The following SH3TC2 variants were observed in gnomAD, a reference collection of about 807,000 sequenced individuals.
The protein encoded by SH3TC2 is SH3 domain and tetratricopeptide repeat-containing protein 2.
SH3TC2 carries 87 observed loss-of-function variants against 124.5 expected under a neutral mutation model. The observed-to-expected ratio is 0.70, with a 90% confidence interval of 0.59 to 0.84. The LOEUF (loss-of-function observed/expected upper bound fraction) is 0.84, where lower values mean the gene tolerates loss of function less well. Among genes scored for constraint, SH3TC2 ranks in the 40% least tolerant of loss-of-function variants. The probability of loss-of-function intolerance (pLI) is 0.00; values close to 1 mark genes in which losing one functional copy is unlikely to be tolerated. For synonymous variants in SH3TC2, 634 were observed against 628.5 expected, an observed-to-expected ratio of 1.01 and a Z score of -0.13; for missense variants, 1,536 against 1,566.4, an observed-to-expected ratio of 0.98 and a Z score of 0.33.
intron 1 of SH3TC2, among the ~76,000 whole-genome samples, chr5:149,060,429 G>A (rs537163609): frequency 5.6e-4 from 85 of 152,318 alleles, no homozygotes; most frequent in Non-Finnish European, 9.8e-4. Flanking sequence ...GGGAACAGAT[G>A]CTGCAGGCAG....
Position 149,002,902 on chromosome 5 carries a change from C to A in SH3TC2, c.*1809G>T, listed in dbSNP as rs1753620589. ...TATGCACACTATCTGAGGGCTCTTG[C>A]CCTGCAGTGGTGCTTCCCATACTTT... On this transcript the variant is annotated 3_prime_UTR_variant, in exon 17 of 17. Transcript: ENST00000515425. The A allele has an allele frequency of 6.6e-6, 1 of 152,662 alleles. No homozygotes were observed. Among genetic ancestry groups the A allele is most frequent in the Non-Finnish European group, 1.5e-5 (1 of 68,044 alleles). 9.5% of individuals were successfully genotyped at this position (152,662 alleles called of 1,614,324 possible). A position where few individuals can be genotyped will look rare whatever the true frequency, so the allele number is the denominator to read the frequency against.
rs146516010 is a variant in SH3TC2, at chr5:149,032,897, C to T, written c.1002-1210G>A. ...CCCTGGGCTGATCGCCAGATTCCCCCCAACACCACGGAAGCTTCTAATCTC... is the reference window on the plus strand; with the variant it reads ...CCCTGGGCTGATCGCCAGATTCCCCTCAACACCACGGAAGCTTCTAATCTC... On this transcript the variant is annotated intron_variant, in intron 8 of 16. Transcript: ENST00000515425. 2.9e-3 allele frequency among the ~76,000 whole-genome samples: 439 copies of T among 152,250 alleles called. 1 individual carries two copies. Among genetic ancestry groups the T allele is most frequent in the Admixed American group, 4.7e-3 (72 of 15,290 alleles).
In SH3TC2 at chr5:148,985,020, G is replaced by A. The variant is rs1753311299; in HGVS notation, c.*19691C>T. 6.6e-6 allele frequency among the ~76,000 whole-genome samples: 1 copy of A among 151,988 alleles called. No individual in the cohort carries two copies. The highest frequency in any genetic ancestry group is 1.5e-5 in the Non-Finnish European group (1 of 67,978). Reference sequence around the variant, plus strand: ...CCATTATTTTTAATCTGGTTTTCATGGTTCCACCAACCTGGGCAAGCTAAT... The same window carrying A: ...CCATTATTTTTAATCTGGTTTTCATAGTTCCACCAACCTGGGCAAGCTAAT... On this transcript the variant is annotated 3_prime_UTR_variant, in exon 17 of 17. Coordinates refer to ENST00000515425, the MANE Select transcript of SH3TC2 (RefSeq NM_024577.4).
In SH3TC2 at chr5:148,994,653, T is replaced by A. The variant is rs1321057629; in HGVS notation, c.*10058A>T. Among the ~76,000 whole-genome samples, 1 of 151,542 alleles carries A rather than the reference T, an allele frequency of 6.6e-6. No homozygotes were observed. The highest frequency in any genetic ancestry group is 1.5e-5 in the Non-Finnish European group (1 of 67,922). ...TTGGTTGGTTGGTTGGTTGGTTGGT[T>A]GGTTGGTTAATTGGCTGGTTGGATA... is the stretch of plus-strand genomic sequence containing the variant. On this transcript the variant is annotated 3_prime_UTR_variant, in exon 17 of 17. Coordinates refer to ENST00000515425, the MANE Select transcript of SH3TC2 (RefSeq NM_024577.4).
rs749727240 is a variant in SH3TC2, at chr5:149,038,528, T to C, written c.806-38A>G. The C allele has an allele frequency of 1.1e-5, 18 of 1,604,360 alleles. 1 individual carries two copies. In the South Asian group the frequency reaches 2.0e-4, roughly 18 times the overall value. On this transcript the variant is annotated intron_variant, in intron 7 of 16. Transcript: ENST00000515425. ...GCACACAGATCAGCTACAGAAGACA[T>C]GAACAGCTGAGCCTCCCATCACCTT...
In SH3TC2 at chr5:148,982,276, C is replaced by T. The variant is rs1278919927; in HGVS notation, c.*22435G>A. Among the ~76,000 whole-genome samples, 1 of 152,120 alleles carries T rather than the reference C, an allele frequency of 6.6e-6. No homozygotes were observed. Among genetic ancestry groups the T allele is most frequent in the Non-Finnish European group, 1.5e-5 (1 of 68,028 alleles). On this transcript the variant is annotated 3_prime_UTR_variant, in exon 17 of 17. Coordinates refer to ENST00000515425, the MANE Select transcript of SH3TC2 (RefSeq NM_024577.4). Reference sequence around the variant, plus strand: ...GTTGGGGAGGGCCTGAGGAAAAAGGCACTCTCCGCATTGTAGGAGAATACA... The same window carrying T: ...GTTGGGGAGGGCCTGAGGAAAAAGGTACTCTCCGCATTGTAGGAGAATACA...
In SH3TC2 at chr5:149,001,094, C is replaced by T. The variant is rs1753589844; in HGVS notation, c.*3617G>A. ...TCCCTCATCCTAACACCCTCCATTCCTGCATATTCCCTTCCCCAAATAAAC... is the reference window on the plus strand; with the variant it reads ...TCCCTCATCCTAACACCCTCCATTCTTGCATATTCCCTTCCCCAAATAAAC... On this transcript the variant is annotated 3_prime_UTR_variant, in exon 17 of 17. Coordinates refer to ENST00000515425, the MANE Select transcript of SH3TC2 (RefSeq NM_024577.4). Among the ~76,000 whole-genome samples the T allele has an allele frequency of 6.6e-6, 1 of 152,130 alleles. No individual in the cohort carries two copies. Among genetic ancestry groups the T allele is most frequent in the Non-Finnish European group, 1.5e-5 (1 of 68,020 alleles).
intron 3 of SH3TC2, chr5:149,046,618 G>T (rs539399463): frequency 6.6e-6 from 1 of 152,306 alleles, no homozygotes; most frequent in South Asian, 2.1e-4. Context: ...CCTTCAGGGA[G>T]TAAGCTGCGG....
chr5:148,994,127 G>A lies in SH3TC2; in HGVS notation c.*10584C>T, dbSNP rs1390762560. On this transcript the variant is annotated 3_prime_UTR_variant, in exon 17 of 17. Transcript: ENST00000515425. ...TGTTCAGGTGAACAAGATCTATCTAGCTTAAGTTCCATAAAATTTATCAAA... is the reference window on the plus strand; with the variant it reads ...TGTTCAGGTGAACAAGATCTATCTAACTTAAGTTCCATAAAATTTATCAAA... Among the ~76,000 whole-genome samples the A allele has an allele frequency of 6.6e-6, 1 of 152,100 alleles. No individual in the cohort carries two copies. The highest frequency in any genetic ancestry group is 2.1e-4 in the South Asian group (1 of 4,828).
chr5:149,049,176 G>T (rs949951716), intron 2 of SH3TC2, among the ~76,000 whole-genome samples: 1 of 152,178 alleles, frequency 6.6e-6, no homozygotes, highest in Non-Finnish European at 1.5e-5. Flanking sequence ...TAAACTTCAC[G>T]TGGGTGTTTG....
chr5:149,048,890 T>C (rs1580915006), intron 2 of SH3TC2, among the ~76,000 whole-genome samples: 1 of 152,256 alleles, frequency 6.6e-6, no homozygotes, highest in East Asian at 1.9e-4. Context: ...GCAATGTGTC[T>C]TCTTTAGACA....
Position 149,044,529 on chromosome 5 carries a change from A to T in SH3TC2, c.385+4T>A, listed in dbSNP as rs1399381093. 1 of 1,608,614 alleles carries T rather than the reference A, an allele frequency of 6.2e-7. No individual in the cohort carries two copies. The highest frequency in any genetic ancestry group is 8.5e-7 in the Non-Finnish European group (1 of 1,176,980). On this transcript the variant is annotated splice_donor_region_variant and intron_variant, in intron 4 of 16. Transcript: ENST00000515425. ...ATCCTCCACCTGCTTGCCTTGTACC[A>T]TACCTAAATTAAGGTAGGTGGAGAA...
Position 148,984,023 on chromosome 5 carries a change from C to T in SH3TC2, c.*20688G>A, listed in dbSNP as rs1264448726. ...CCAGTTTGAGTTTCACCTTCTGTTT[C>T]TCAAAGTGAAAAGAACCTGCATACA... On this transcript the variant is annotated 3_prime_UTR_variant, in exon 17 of 17. Transcript: ENST00000515425. 6.6e-6 allele frequency among the ~76,000 whole-genome samples: 1 copy of T among 152,128 alleles called. No individual in the cohort carries two copies. Among genetic ancestry groups the T allele is most frequent in the Admixed American group, 6.6e-5 (1 of 15,266 alleles).
In SH3TC2 at chr5:149,038,440, C is replaced by A; in HGVS notation, c.856G>T (p.Glu286Ter). The A allele has an allele frequency of 6.2e-7, 1 of 1,614,146 alleles. No homozygotes were observed. Among genetic ancestry groups the A allele is most frequent in the Non-Finnish European group, 8.5e-7 (1 of 1,180,010 alleles). The change falls in exon 8 of 17, where the codon GAA (glutamate) becomes TAA (stop). Residue 286 changes from glutamate (E) to a stop codon, truncating the protein, a stop_gained. Transcript: ENST00000515425. LOFTEE classifies it high-confidence loss of function. ...CTTTCTCCCTGGTAGAAATTCAGTT[C>A]ATCCTTTTCTCCTGGCTCATAACCC... ...LTGYEPGEKD[E>*]LNFYQGESIE...
chr5:149,014,505 C>G (rs1753838006), intron 12 of SH3TC2, among the ~76,000 whole-genome samples: 1 of 152,180 alleles, frequency 6.6e-6, no homozygotes, highest in South Asian at 2.1e-4. Context: ...TCCTAAGGCC[C>G]GGATCCTTAT....
chr5:149,010,552 T>C (rs1451503504), intron 13 of SH3TC2, among the ~76,000 whole-genome samples, 160 bp from the exon 14 acceptor site: 1 of 152,218 alleles, frequency 6.6e-6, no homozygotes, highest in African/African-American at 2.4e-5. Context: ...GTAAGAGGAC[T>C]TTAGACATTC....
chr5:149,041,810 T>C (rs1754376637), intron 5 of SH3TC2, among the ~76,000 whole-genome samples, 193 bp from the exon 6 acceptor site: 2 of 152,174 alleles, frequency 1.3e-5, no homozygotes, highest in African/African-American at 2.4e-5. Context: ...AAAAAAGCCA[T>C]TGAGAGGGAA....
chr5:149,046,016 G>C (rs1754458210), intron 3 of SH3TC2: 1 of 397,794 alleles, frequency 2.5e-6, no homozygotes, highest in African/African-American at 2.2e-5. Flanking sequence ...CCTTAAATCT[G>C]TTGTTTGTCC....
At position 149,003,849 on chromosome 5, in the gene SH3TC2, CAAA is replaced by C. The variant is rs5872107; in HGVS notation, c.*859_*861del. Reference sequence around the variant, plus strand: ...CTGGGCAACAGAGGAGAAACTGTCTCAAAAAAAAAAAAAAAAAAAAAAGACATG... The same window carrying C: ...CTGGGCAACAGAGGAGAAACTGTCTCAAAAAAAAAAAAAAAAAAAGACATG... On this transcript the variant is annotated 3_prime_UTR_variant, in exon 17 of 17. Coordinates refer to ENST00000515425, the MANE Select transcript of SH3TC2 (RefSeq NM_024577.4). 3,679 of 169,364 alleles carry C rather than the reference CAAA, an allele frequency of 0.022. No homozygotes were observed. Among genetic ancestry groups the C allele is most frequent in the South Asian group, 0.036 (816 of 22,766 alleles). 10.5% of individuals were successfully genotyped at this position (169,364 alleles called of 1,614,324 possible).
Sources: allele counts gnomAD v4.1 joint callset (sites outside exome capture counted in the v4.1 genomes callset), GRCh38; gene constraint gnomAD v4.1.1; transcripts MANE v1.5; gene names NCBI Gene and HGNC (gene_info 2026-07-23, HGNC 2026-07-21).